RAB28: variants seen among roughly 807,000 people sequenced by gnomAD.
The protein encoded by RAB28 is RAB28, member RAS oncogene family.
Under a neutral mutation model 31.7 loss-of-function variants are expected in RAB28, and 24 were observed. The ratio of observed to expected loss-of-function variants is 0.76; its 90% CI spans 0.55 to 1.06. RAB28 has a LOEUF of 1.06. Among genes scored for constraint, RAB28 ranks in the 50% least tolerant of loss-of-function variants. RAB28 has a pLI of 0.00. For missense variants in RAB28, 254 were observed against 258.5 expected, an observed-to-expected ratio of 0.98 and a Z score of 0.12; for synonymous variants, 100 against 90.4, an observed-to-expected ratio of 1.11 and a Z score of -0.60.
At chr4:13,407,829 C>T (rs1051194162) in intron 4 of RAB28, among the ~76,000 whole-genome samples, 5 of 152,036 alleles carry the variant, frequency 3.3e-5, no homozygotes, top group Non-Finnish European at 5.9e-5. Flanking sequence ...CTATTATTGG[C>T]GTACAGGAAT....
At chr4:13,382,592 T>C (rs1729178071) in intron 4 of RAB28, among the ~76,000 whole-genome samples, 1 of 152,068 alleles carries the variant, frequency 6.6e-6, no homozygotes, top group African/African-American at 2.4e-5. Flanking sequence ...ATTGAAAGTC[T>C]TTAGTTTGTA....
intron 4 of RAB28, 36 bp from the exon 5 acceptor site, chr4:13,381,630 T>C: frequency 6.8e-7 from 1 of 1,460,844 alleles, no homozygotes; most frequent in South Asian, 1.2e-5. Context: ...TAATTCAATA[T>C]TAGAGTCTAT....
chr4:13,376,500 T>A, intron 6 of RAB28, 45 bp downstream of exon 6: 1 of 1,410,944 alleles, frequency 7.1e-7, no homozygotes, highest in Non-Finnish European at 9.8e-7. Context: ...TAATGCCTTG[T>A]AAGAAATTCA....
intron 3 of RAB28, among the ~76,000 whole-genome samples, chr4:13,469,730 T>C (rs995869163): frequency 6.6e-6 from 1 of 152,032 alleles, no homozygotes; most frequent in Non-Finnish European, 1.5e-5. Context: ...GGGGTCTTGC[T>C]CTGTTCCCCA....
At chr4:13,394,932 T>C (rs1016178693) in intron 4 of RAB28, among the ~76,000 whole-genome samples, 2 of 152,168 alleles carry the variant, frequency 1.3e-5, no homozygotes, top group Non-Finnish European at 2.9e-5. Flanking sequence ...ATAACAACCT[T>C]GGCGAATAGG....
chr4:13,372,938 AT>A (rs146443881), intron 6 of RAB28, among the ~76,000 whole-genome samples: 2,512 of 152,192 alleles, frequency 0.017, 65 homozygotes, highest in African/African-American at 0.058. Context: ...AGGAATATAT[AT>A]TTTTAGCAAG....
At chr4:13,420,932 G>A (rs1003141710) in intron 4 of RAB28, among the ~76,000 whole-genome samples, 1 of 152,162 alleles carries the variant, frequency 6.6e-6, no homozygotes, top group Non-Finnish European at 1.5e-5. Flanking sequence ...AAGAAATATA[G>A]GGTATTCAAT....
rs1716090875 is a variant in RAB28, at chr4:13,470,977, A to G, written c.261+3341T>C. On this transcript the variant is annotated intron_variant, in intron 3 of 6. Coordinates refer to ENST00000330852, the MANE Select transcript of RAB28 (RefSeq NM_001017979.3). ...ATCCAAGTTAACTCCCAGCCTACAT[A>G]TAAGCTTCTACGCAGATGTTAAGAA... 2.0e-5 allele frequency among the ~76,000 whole-genome samples: 3 copies of G among 152,126 alleles called. No individual in the cohort carries two copies. The South Asian group carries it at 6.2e-4, about 31-fold the overall frequency.
At chr4:13,389,025 A>T (rs551209904) in intron 4 of RAB28, among the ~76,000 whole-genome samples, 6 of 152,252 alleles carry the variant, frequency 3.9e-5, no homozygotes, top group South Asian at 2.1e-4. Context: ...CAACAGCACT[A>T]GTCATAATAG....
At chr4:13,417,744 G>T (rs1410245201) in intron 4 of RAB28, among the ~76,000 whole-genome samples, 1 of 152,136 alleles carries the variant, frequency 6.6e-6, no homozygotes, top group Non-Finnish European at 1.5e-5. Flanking sequence ...CCATCTATAG[G>T]TCACAAGCAT....
chr4:13,381,472 T>C lies in RAB28; in HGVS notation c.495+19A>G, dbSNP rs1393980101. 1 of 1,501,228 alleles carries C rather than the reference T, an allele frequency of 6.7e-7. No homozygotes were observed. Among genetic ancestry groups the C allele is most frequent in the Non-Finnish European group, 9.3e-7 (1 of 1,079,360 alleles). The allele number at this position is 1,501,228 out of a possible 1,614,324, so 93.0% of individuals were successfully genotyped here. ...AATAAAAGGAAAACATCACATACAG[T>C]ATTCATTATTTTACTTACAGAGTCT... On this transcript the variant is annotated intron_variant, in intron 5 of 6. Transcript: ENST00000330852.
chr4:13,462,217 C>A (rs913562702), intron 3 of RAB28, among the ~76,000 whole-genome samples: 5 of 152,122 alleles, frequency 3.3e-5, no homozygotes, highest in Admixed American at 2.6e-4. Context: ...GCAGGGGTGA[C>A]AGTTTGCCGT....
chr4:13,380,111 T>C (rs556136832), intron 5 of RAB28, among the ~76,000 whole-genome samples: 2 of 152,268 alleles, frequency 1.3e-5, no homozygotes, highest in East Asian at 3.9e-4. Flanking sequence ...TGAGTTTATC[T>C]ACAATTATTG....
At chr4:13,428,056 A>G (rs1410487437) in intron 4 of RAB28, among the ~76,000 whole-genome samples, 4 of 152,210 alleles carry the variant, frequency 2.6e-5, no homozygotes, top group African/African-American at 9.6e-5. Flanking sequence ...TGGGGGCTGC[A>G]TGCATCAGTA....
At chr4:13,381,869 T>TATC (rs911037304) in intron 4 of RAB28, among the ~76,000 whole-genome samples, 78 of 152,280 alleles carry the variant, frequency 5.1e-4, no homozygotes, top group Middle Eastern at 3.4e-3. Context: ...AAATGTGCGC[T>TATC]ATCATTATTA....
chr4:13,382,886 G>C (rs1729194495), intron 4 of RAB28, among the ~76,000 whole-genome samples: 1 of 152,026 alleles, frequency 6.6e-6, no homozygotes, highest in Admixed American at 6.6e-5. Context: ...TTTTAGTAGA[G>C]ATGGGGTTTC....
At chr4:13,433,348 T>C (rs1713920060) in intron 4 of RAB28, among the ~76,000 whole-genome samples, 1 of 151,952 alleles carries the variant, frequency 6.6e-6, no homozygotes, top group Non-Finnish European at 1.5e-5. Flanking sequence ...ACAGCAAAAC[T>C]ATCAACACAG....
chr4:13,370,709 C>T (rs1728683123), intron 6 of RAB28: 1 of 984,940 alleles, frequency 1.0e-6, no homozygotes. Flanking sequence ...TCCTCCCGAT[C>T]CTAACCTCCA....
In RAB28 at chr4:13,454,182, T is replaced by A. The variant is rs531855614; in HGVS notation, c.391+6517A>T. ...TTAAATTCTTCAGCTCTAAGATTTC[T>A]GATTGGTTATGGGTTATATCCATCT... On this transcript the variant is annotated intron_variant, in intron 4 of 6. Coordinates refer to ENST00000330852, the MANE Select transcript of RAB28 (RefSeq NM_001017979.3). Among the ~76,000 whole-genome samples, 14 of 152,304 alleles carry A rather than the reference T, an allele frequency of 9.2e-5. 1 individual carries two copies. The South Asian group carries it at 2.9e-3, about 32-fold the overall frequency.
Sources: gnomAD v4.1 joint callset for allele counts (sites outside exome capture counted in the v4.1 genomes callset) on GRCh38, gnomAD v4.1.1 for gene constraint, MANE v1.5 for transcripts, NCBI Gene and HGNC (gene_info 2026-07-23, HGNC 2026-07-21) for gene names.